The following FYCO1 variants were observed in gnomAD, a reference collection of about 807,000 sequenced individuals.
FYCO1 encodes the protein FYVE and coiled-coil domain-containing protein 1.
A neutral mutation model predicts 165.1 loss-of-function variants in FYCO1; 122 were observed. The ratio of observed to expected loss-of-function variants is 0.74; its 90% CI spans 0.64 to 0.86. The LOEUF (loss-of-function observed/expected upper bound fraction) is 0.86. FYCO1 is among the 40% of genes least tolerant of loss of function. The pLI, the probability that FYCO1 is intolerant of heterozygous loss-of-function variation, is 0.00. For missense variants in FYCO1, 1,702 were observed against 1,810.3 expected (o/e 0.94, Z 1.09); for synonymous variants, 648 against 742.5 (o/e 0.87, Z 2.07).
chr3:45,984,722 T>A, intron 2 of FYCO1, 134 bp downstream of exon 2: 1 of 883,004 alleles, frequency 1.1e-6, no homozygotes, highest in African/African-American at 1.6e-5. Flanking sequence ...TATTTCAATA[T>A]GATGTGACCT....
rs757748580 is a variant in FYCO1 at position 45,975,250 on chromosome 3, G to T, written c.384C>A (p.Thr128=). The T allele has an allele frequency of 6.2e-7, 1 of 1,610,162 alleles. No homozygotes were observed. Among genetic ancestry groups the T allele is most frequent in the South Asian group, 1.1e-5 (1 of 90,990 alleles). The stretch of plus-strand genomic sequence containing the variant: ...TGTCCTGTATTTACCTGGTCACTTT[G>T]GTGTTCATGAAGCACTGCTGTAAGG... ...ADTLQQCFMN[T]KVTSDWYYAR... is the part of the protein sequence containing the mutation. Residue 128 remains threonine, a synonymous_variant, in exon 5 of 18, where the codon ACC becomes ACA. Transcript: ENST00000296137.
intron 2 of FYCO1, 53 bp downstream of exon 2, chr3:45,984,803 C>G: frequency 6.3e-7 from 1 of 1,588,556 alleles, no homozygotes; most frequent in South Asian, 1.1e-5. Context: ...AGCAAAAAGC[C>G]CTGCCACAAG....
At chr3:45,953,726 C>G (rs1203566596) in intron 14 of FYCO1, among the ~76,000 whole-genome samples, 3 of 152,176 alleles carry the variant, frequency 2.0e-5, no homozygotes, top group African/African-American at 7.2e-5. Flanking sequence ...TGATTAAAAG[C>G]AGCATAAAAT....
chr3:45,979,708 T>G lies in FYCO1; in HGVS notation c.285A>C (p.Ser95=). ...GTTGGCTGCTTGCTCAGCTTACCTCTGAGATAGACTTGACAAAGCGGATCC... is the reference window on the plus strand; with the variant it reads ...GTTGGCTGCTTGCTCAGCTTACCTCGGAGATAGACTTGACAAAGCGGATCC... The part of the protein sequence containing the change: ...NDGIRFVKSI[S]ELRTSLGKGR... Residue 95 remains serine (S), a synonymous_variant, in exon 4 of 18, where the codon TCA becomes TCC. Transcript: ENST00000296137. 1.2e-6 allele frequency: 2 copies of G among 1,613,852 alleles called. No individual in the cohort carries two copies. The highest frequency in any genetic ancestry group is 2.2e-5 in the East Asian group (1 of 44,864).
intron 11 of FYCO1, among the ~76,000 whole-genome samples, chr3:45,961,471 G>C (rs71325096): frequency 0.089 from 13,470 of 151,908 alleles, 990 homozygotes; most frequent in South Asian, 0.35. Context: ...CCAGCTACTT[G>C]GGTGGCTGAG....
intron 13 of FYCO1, 123 bp from the exon 14 acceptor site, chr3:45,955,516 T>G (rs1199194597): frequency 5.5e-6 from 6 of 1,096,778 alleles, no homozygotes; most frequent in South Asian, 3.7e-5. Flanking sequence ...AGGCACAATT[T>G]AAGTGGTCAC....
At chr3:45,933,205 C>T (rs1192901430) in intron 15 of FYCO1, among the ~76,000 whole-genome samples, 3 of 152,172 alleles carry the variant, frequency 2.0e-5, no homozygotes, top group Non-Finnish European at 2.9e-5. Flanking sequence ...GATGTGAATT[C>T]CACTGAGTGA....
At position 45,955,288 on chromosome 3, in the gene FYCO1, G is replaced by A. The variant is rs748831713; in HGVS notation, c.3905C>T (p.Pro1302Leu). 5.6e-6 allele frequency: 9 copies of A among 1,613,968 alleles called. No homozygotes were observed. Among genetic ancestry groups the A allele is most frequent in the South Asian group, 4.4e-5 (4 of 91,078 alleles). The change falls in exon 14 of 18, where the codon CCC (proline) becomes CTC (leucine). Residue 1302 changes from proline (P) to leucine (L), a missense_variant. Transcript: ENST00000296137. ...TGGGTCGAGAGAATCAGTTTCAGTGGGTGTTTCAGGCAAAGAGGAGCCGGA... is the reference window on the plus strand; with the variant it reads ...TGGGTCGAGAGAATCAGTTTCAGTGAGTGTTTCAGGCAAAGAGGAGCCGGA... Reference protein sequence around the residue: ...QESGSSLPETPTETDSLDPNA... With the variant: ...QESGSSLPETLTETDSLDPNA...
chr3:45,957,838 C>T (rs773986959), intron 13 of FYCO1, among the ~76,000 whole-genome samples: 1 of 152,268 alleles, frequency 6.6e-6, no homozygotes, highest in Non-Finnish European at 1.5e-5. Flanking sequence ...CTGCCTGTGC[C>T]GTCTCAGCTC....
In FYCO1 at chr3:45,922,005, G is replaced by T. The variant is rs7618618; in HGVS notation, c.4362-165C>A. On this transcript the variant is annotated intron_variant, in intron 17 of 17. Transcript: ENST00000296137. ...TCTGTCTAGTGGAGTTCTCTCCCTGGGAGGGTCAGAGGGTTTCGGGACATC... is the reference window on the plus strand; with the variant it reads ...TCTGTCTAGTGGAGTTCTCTCCCTGTGAGGGTCAGAGGGTTTCGGGACATC... 0.82 allele frequency among the ~76,000 whole-genome samples: 124,167 copies of T among 152,136 alleles called. 51,113 individuals carry two copies. The highest frequency in any genetic ancestry group is 1 in the East Asian group (5,151 of 5,162).
chr3:45,979,126 C>T (rs1333821034), intron 4 of FYCO1, among the ~76,000 whole-genome samples: 1 of 152,134 alleles, frequency 6.6e-6, no homozygotes, highest in Non-Finnish European at 1.5e-5. Flanking sequence ...TCCCAAAGTG[C>T]TGGGATTACA....
At chr3:45,945,262 CTCT>C (rs1335335634) in intron 14 of FYCO1, 1 of 152,238 alleles carries the variant, frequency 6.6e-6, no homozygotes, top group East Asian at 1.9e-4. Flanking sequence ...CAAACACCTG[CTCT>C]TCTTCATACA....
Position 45,966,295 on chromosome 3 carries a change from G to T in FYCO1, c.3039C>A (p.Asp1013Glu), listed in dbSNP as rs771196830. Residue 1013 changes from aspartate (D) to glutamate (E), a missense_variant, in exon 8 of 18, where the codon GAC (aspartate) becomes GAA (glutamate). Transcript: ENST00000296137. ...LKFQLSAEIM[D>E]YQSRLKNAGE... ...GGATTACCTTAAGTCTGCTCTGGTA[G>T]TCCATGATTTCAGCACTCAGCTGGA... is the stretch of plus-strand genomic sequence containing the variant. The T allele has an allele frequency of 3.7e-6, 6 of 1,614,078 alleles. No homozygotes were observed. The South Asian group carries it at 6.6e-5, about 18-fold the overall frequency.
chr3:45,988,930 C>T (rs531091921), intron 1 of FYCO1, among the ~76,000 whole-genome samples: 7 of 152,268 alleles, frequency 4.6e-5, no homozygotes, highest in South Asian at 4.1e-4. Context: ...ACAATAGCAA[C>T]GGCAATTTAG....
At chr3:45,931,837 C>T (rs529521473) in intron 15 of FYCO1, among the ~76,000 whole-genome samples, 2 of 152,332 alleles carry the variant, frequency 1.3e-5, no homozygotes, top group South Asian at 4.1e-4. Context: ...CAAATGCCAA[C>T]ATCCCATACT....
At chr3:45,938,166 C>T (rs1249918288) in intron 14 of FYCO1, 1 of 1,260,788 alleles carries the variant, frequency 7.9e-7, no homozygotes, top group East Asian at 5.6e-5. Flanking sequence ...TCCTCCCTGA[C>T]CACAGTGATG....
At chr3:45,925,298 C>G (rs1035604203) in intron 16 of FYCO1, among the ~76,000 whole-genome samples, 2 of 151,756 alleles carry the variant, frequency 1.3e-5, no homozygotes, top group Admixed American at 6.6e-5. Context: ...TGTCCCTAAG[C>G]CTTCCATTTA....
intron 2 of FYCO1, among the ~76,000 whole-genome samples, chr3:45,983,338 T>C (rs1404916888): frequency 6.6e-6 from 1 of 152,212 alleles, no homozygotes; most frequent in Admixed American, 6.5e-5. Context: ...TTAAGGACAC[T>C]CCACTCTCAT....
chr3:45,985,166 C>T lies in FYCO1; in HGVS notation c.-112-144G>A. On this transcript the variant is annotated intron_variant, in intron 1 of 17. Transcript: ENST00000296137. ...GAGGGCTTGACCTTTCTGTGTGGGC[C>T]TTGTTCTGTGGGCACTCTCTGGTTT... 5.0e-6 allele frequency: 3 copies of T among 601,656 alleles called. 1 individual carries two copies. Among genetic ancestry groups the T allele is most frequent in the South Asian group, 3.9e-5 (2 of 51,628 alleles). The allele number at this position is 601,656 out of a possible 1,614,324, so 37.3% of individuals were successfully genotyped here.
Sources: gnomAD v4.1 joint callset for allele counts (sites outside exome capture counted in the v4.1 genomes callset) on GRCh38, gnomAD v4.1.1 for gene constraint, MANE v1.5 for transcripts, NCBI Gene and HGNC (gene_info 2026-07-23, HGNC 2026-07-21) for gene names.